The following ATP11C variants were observed in gnomAD, a reference collection of about 807,000 sequenced individuals.
The protein encoded by ATP11C is phospholipid-transporting ATPase IG.
In ATP11C, 36 loss-of-function variants were observed where a neutral mutation model predicts 97.4. The ratio of observed to expected loss-of-function variants is 0.37; its 90% confidence interval spans 0.28 to 0.49. ATP11C has a LOEUF of 0.49. ATP11C is among the 20% of genes least tolerant of loss of function. ATP11C has a pLI of 0.98. For missense variants in ATP11C, 730 were observed against 824.6 expected (o/e 0.89, Z 1.40); for synonymous variants, 275 against 290.9 (o/e 0.95, Z 0.56).
chrX:139,792,292 T>G (rs1285466678), intron 12 of ATP11C, among the ~76,000 whole-genome samples: 1 of 111,250 alleles, frequency 9.0e-6, no homozygotes, highest in Non-Finnish European at 1.9e-5. Flanking sequence ...CCATGGAAGC[T>G]CCACGCCCCT....
chrX:139,884,466 T>C (rs1348541357), intron 1 of ATP11C, among the ~76,000 whole-genome samples: 1 of 111,724 alleles, frequency 9.0e-6, no homozygotes, highest in Non-Finnish European at 1.9e-5. Context: ...TCCAAACCAG[T>C]AGGCAAGTCC....
chrX:139,808,513 AGAAAT>A (rs1456818321), intron 5 of ATP11C, among the ~76,000 whole-genome samples: 1 of 112,089 alleles, frequency 8.9e-6, no homozygotes, highest in Non-Finnish European at 1.9e-5. Context: ...GAACAAGAAT[AGAAAT>A]GAAAGACTCA....
chrX:139,753,832 GGAAGAAAAGAA>G (rs1485993698), intron 23 of ATP11C, among the ~76,000 whole-genome samples: 2 of 109,864 alleles, frequency 1.8e-5, no homozygotes, highest in Non-Finnish European at 3.8e-5. Flanking sequence ...AAAGGGAAAG[GGAAGAAAAGAA>G]GAAGAAAAGG....
At chrX:139,833,969 C>T (rs1467410679) in intron 1 of ATP11C, among the ~76,000 whole-genome samples, 1 of 111,570 alleles carries the variant, frequency 9.0e-6, no homozygotes, top group Non-Finnish European at 1.9e-5. Flanking sequence ...ATGAGGTTTG[C>T]AGATGTTAAC....
chrX:139,926,878 A>T (rs2085359043), intron 1 of ATP11C, among the ~76,000 whole-genome samples: 1 of 112,344 alleles, frequency 8.9e-6, no homozygotes, highest in Non-Finnish European at 1.9e-5. Flanking sequence ...ATTTCTAAAT[A>T]AGTTTCCCAC....
intron 1 of ATP11C, among the ~76,000 whole-genome samples, chrX:139,886,398 C>T (rs1022480093): frequency 9.1e-6 from 1 of 110,135 alleles, no homozygotes. Flanking sequence ...AGGCCATCCT[C>T]GCCAACATGG....
intron 1 of ATP11C, among the ~76,000 whole-genome samples, chrX:139,903,152 T>C (rs1409915538): frequency 1.8e-5 from 2 of 111,967 alleles, no homozygotes; most frequent in East Asian, 2.8e-4. Context: ...TGATTGTGCA[T>C]AGTATATACT....
At chrX:139,796,618 AC>A in intron 11 of ATP11C, 148 bp from the exon 12 acceptor site, 1 of 428,269 alleles carries the variant, frequency 2.3e-6, no homozygotes, top group Non-Finnish European at 4.0e-6. Flanking sequence ...ACACTACATC[AC>A]TGTAGTCAAA....
At chrX:139,819,528 T>A (rs996597269) in intron 2 of ATP11C, 101 bp from the exon 3 acceptor site, 60 of 338,492 alleles carry the variant, frequency 1.8e-4, no homozygotes, top group Non-Finnish European at 2.4e-4. Context: ...TAAAGTGATA[T>A]TTAGTATGTC....
rs752761432 is a variant in ATP11C, at chrX:139,932,044, G to C, written c.-2C>G. 52 of 1,161,134 alleles carry C rather than the reference G, an allele frequency of 4.5e-5. No homozygotes were observed. The highest frequency in any genetic ancestry group is 4.0e-5 in the Non-Finnish European group (35 of 869,759). ...ACGATTCAAGCTCCGGCGGAACATCGCGTCGAAGGCTGCCGGGCGCTGAGC... is the reference window on the plus strand; with the variant it reads ...ACGATTCAAGCTCCGGCGGAACATCCCGTCGAAGGCTGCCGGGCGCTGAGC... On this transcript the variant is annotated 5_prime_UTR_variant, in exon 1 of 30. Coordinates refer to ENST00000682941, the MANE Select transcript of ATP11C (RefSeq NM_001353812.2).
At chrX:139,839,436 A>C (rs960024120) in intron 1 of ATP11C, among the ~76,000 whole-genome samples, 3 of 112,287 alleles carry the variant, frequency 2.7e-5, no homozygotes. Context: ...TCACAAGGTA[A>C]ATCCGTTAAC....
chrX:139,809,881 G>A (rs779371077), intron 5 of ATP11C, among the ~76,000 whole-genome samples: 97 of 110,863 alleles, frequency 8.7e-4, no homozygotes, highest in African/African-American at 2.9e-3. Context: ...CAGGAGAATC[G>A]CTTGAACCCA....
At chrX:139,904,326 G>A (rs777203136) in intron 1 of ATP11C, among the ~76,000 whole-genome samples, 20 of 109,974 alleles carry the variant, frequency 1.8e-4, no homozygotes, top group Non-Finnish European at 3.2e-4. Flanking sequence ...TCGGGAGTTC[G>A]AGATCAGCCT....
chrX:139,817,026 A>C, intron 3 of ATP11C, 83 bp from the exon 4 acceptor site: 2 of 563,826 alleles, frequency 3.5e-6, no homozygotes, highest in Non-Finnish European at 5.6e-6. Flanking sequence ...CAAACATTTC[A>C]AACAGAAACA....
At chrX:139,896,773 A>AT (rs1239321147) in intron 1 of ATP11C, among the ~76,000 whole-genome samples, 1 of 109,144 alleles carries the variant, frequency 9.2e-6, no homozygotes, top group Non-Finnish European at 1.9e-5. Flanking sequence ...CACCCGGCTA[A>AT]TTTTTTTGTA....
At chrX:139,736,044 T>A (rs1186332167) in intron 28 of ATP11C, among the ~76,000 whole-genome samples, 1 of 111,917 alleles carries the variant, frequency 8.9e-6, no homozygotes. Context: ...ACACTAGAAT[T>A]CTTCCTACGC....
intron 1 of ATP11C, among the ~76,000 whole-genome samples, chrX:139,892,559 C>T (rs966515120): frequency 4.5e-5 from 5 of 111,681 alleles, no homozygotes; most frequent in African/African-American, 1.6e-4. Flanking sequence ...AAAACATGTT[C>T]CTACCTTTGG....
intron 2 of ATP11C, among the ~76,000 whole-genome samples, chrX:139,819,670 T>C (rs1166627014): frequency 1.8e-5 from 2 of 112,619 alleles, no homozygotes; most frequent in Non-Finnish European, 3.7e-5. Flanking sequence ...ATACCTTTGC[T>C]TTCTCTGACC....
chrX:139,900,460 A>C (rs2084882368), intron 1 of ATP11C, among the ~76,000 whole-genome samples: 1 of 112,084 alleles, frequency 8.9e-6, no homozygotes, highest in South Asian at 3.6e-4. Flanking sequence ...AGGGAAAAAA[A>C]AGTTTTGTCC....
Sources: gnomAD v4.1 joint callset for allele counts (sites outside exome capture counted in the v4.1 genomes callset) on GRCh38, gnomAD v4.1.1 for gene constraint, MANE v1.5 for transcripts, NCBI Gene and HGNC (gene_info 2026-07-23, HGNC 2026-07-21) for gene names.